The following NAV2 variants were observed in gnomAD, a reference collection of about 807,000 sequenced individuals.
The protein encoded by NAV2 is helicase, APC down-regulated 1.
Under a neutral mutation model 223.2 loss-of-function variants are expected in NAV2, and 54 were observed. The observed-to-expected ratio is 0.24, with a 90% confidence interval of 0.19 to 0.30. The LOEUF (loss-of-function observed/expected upper bound fraction) is 0.30, where lower values mean the gene tolerates loss of function less well. Among genes scored for constraint, NAV2 ranks in the 10% least tolerant of loss-of-function variants. The probability of loss-of-function intolerance (pLI) is 1.00; values close to 1 mark genes in which losing one functional copy is unlikely to be tolerated. For missense variants in NAV2, 2,806 were observed against 3,147.5 expected (o/e 0.89, Z 2.60); for synonymous variants, 1,279 against 1,239.3 (o/e 1.03, Z -0.67).
chr11:20,090,763 A>G lies in NAV2; in HGVS notation c.5499-102A>G, dbSNP rs547840518. 2.7e-5 allele frequency: 34 copies of G among 1,247,562 alleles called. No homozygotes were observed. The East Asian group carries it at 7.8e-4, about 29-fold the overall frequency. 77.3% of individuals were successfully genotyped at this position (1,247,562 alleles called of 1,614,324 possible). On this transcript the variant is annotated intron_variant, in intron 26 of 37. Transcript: ENST00000349880. Reference sequence around the variant, plus strand: ...CACAGGAAGCACCAGGCAGCTGGTTATTCACAGTTACTGCTAAACAAACCT... The same window carrying G: ...CACAGGAAGCACCAGGCAGCTGGTTGTTCACAGTTACTGCTAAACAAACCT...
chr11:19,690,893 G>A lies in NAV2; in HGVS notation c.76-141591G>A, dbSNP rs143996534. Reference sequence around the variant, plus strand: ...AAGGCAGAGCCAGAAGTAGAACCCAGATCCCCGATTTTCAGCACACACCAA... The same window carrying A: ...AAGGCAGAGCCAGAAGTAGAACCCAAATCCCCGATTTTCAGCACACACCAA... On this transcript the variant is annotated intron_variant, in intron 1 of 37. Transcript: ENST00000360655. Among the ~76,000 whole-genome samples the A allele has an allele frequency of 2.7e-3, 404 of 152,296 alleles. 4 individuals are homozygous for A. Among genetic ancestry groups the A allele is most frequent in the African/African-American group, 9.1e-3 (378 of 41,558 alleles).
chr11:20,027,062 C>T (rs1186641450), intron 11 of NAV2, among the ~76,000 whole-genome samples: 8 of 152,182 alleles, frequency 5.3e-5, no homozygotes, highest in Admixed American at 2.6e-4. Context: ...ACATAGACTA[C>T]AAAAGGTAGG....
At chr11:19,745,439 A>C (rs2152475671) in intron 1 of NAV2, among the ~76,000 whole-genome samples, 1 of 152,250 alleles carries the variant, frequency 6.6e-6, no homozygotes, top group Admixed American at 6.5e-5. Flanking sequence ...CCTAATGGGT[A>C]AGTTGGCCCT....
At chr11:19,639,550 G>T (rs1231951619) in intron 1 of NAV2, among the ~76,000 whole-genome samples, 1 of 152,188 alleles carries the variant, frequency 6.6e-6, no homozygotes, top group Non-Finnish European at 1.5e-5. Context: ...GTTGTGTGTG[G>T]GGAGGACACT....
chr11:19,607,049 G>T (rs1290063372), intron 1 of NAV2, among the ~76,000 whole-genome samples: 4 of 152,218 alleles, frequency 2.6e-5, no homozygotes, highest in Non-Finnish European at 5.9e-5. Context: ...GAAAAGAAGG[G>T]TCTGCTTACA....
intron 11 of NAV2, among the ~76,000 whole-genome samples, chr11:19,987,017 T>G (rs977331094): frequency 6.6e-6 from 1 of 152,230 alleles, no homozygotes; most frequent in Admixed American, 6.5e-5. Flanking sequence ...AATACTCCTT[T>G]TTAATAATTA....
intron 1 of NAV2, among the ~76,000 whole-genome samples, chr11:19,504,564 A>T (rs746918919): frequency 2.0e-5 from 3 of 152,192 alleles, no homozygotes; most frequent in Non-Finnish European, 4.4e-5. Context: ...GAGCAGCCCA[A>T]TGTGAAAGGT....
chr11:20,023,453 A>G (rs2054702186), intron 11 of NAV2, among the ~76,000 whole-genome samples: 1 of 152,130 alleles, frequency 6.6e-6, no homozygotes, highest in South Asian at 2.1e-4. Context: ...AAACCGTCTT[A>G]TCAAATTAGG....
At chr11:19,793,371 T>A (rs990688048) in intron 1 of NAV2, among the ~76,000 whole-genome samples, 1 of 152,248 alleles carries the variant, frequency 6.6e-6, no homozygotes, top group African/African-American at 2.4e-5. Flanking sequence ...GATATGTGTA[T>A]ACTTGTCTTA....
At chr11:20,038,503 G>T (rs1405243388) in intron 12 of NAV2, among the ~76,000 whole-genome samples, 2 of 152,178 alleles carry the variant, frequency 1.3e-5, no homozygotes, top group African/African-American at 4.8e-5. Flanking sequence ...TGTCCAGGGA[G>T]CATCTCAAAA....
chr11:19,398,506 G>A (rs530419077), intron 1 of NAV2, among the ~76,000 whole-genome samples: 7 of 152,076 alleles, frequency 4.6e-5, no homozygotes, highest in Admixed American at 2.0e-4. Flanking sequence ...GCTTTCCCAC[G>A]TACCATGCTT....
intron 24 of NAV2, among the ~76,000 whole-genome samples, chr11:20,079,825 C>T (rs1192934847): frequency 6.6e-6 from 1 of 152,176 alleles, no homozygotes; most frequent in Admixed American, 6.5e-5. Context: ...CTCCCTACAC[C>T]TCCCTTGACT....
At chr11:19,991,577 TAAAA>T (rs374678553) in intron 11 of NAV2, among the ~76,000 whole-genome samples, 1 of 152,148 alleles carries the variant, frequency 6.6e-6, no homozygotes, top group Non-Finnish European at 1.5e-5. Context: ...CTGCATTTAA[TAAAA>T]AGAACAATTA....
intron 6 of NAV2, among the ~76,000 whole-genome samples, chr11:19,901,028 A>G (rs2042402382): frequency 6.6e-6 from 1 of 152,224 alleles, no homozygotes; most frequent in Non-Finnish European, 1.5e-5. Flanking sequence ...GCATAATCCA[A>G]TTAAAACTCT....
At chr11:19,702,726 T>A (rs2049542384) in intron 1 of NAV2, among the ~76,000 whole-genome samples, 1 of 151,610 alleles carries the variant, frequency 6.6e-6, no homozygotes, top group Non-Finnish European at 1.5e-5. Context: ...TGCAGTGAGC[T>A]GAGATGGTGC....
At chr11:19,819,937 C>T (rs920888430) in intron 1 of NAV2, among the ~76,000 whole-genome samples, 6 of 152,196 alleles carry the variant, frequency 3.9e-5, no homozygotes, top group East Asian at 1.9e-4. Flanking sequence ...ACCTGTCAGA[C>T]GTCAATCAAG....
At chr11:19,999,692 T>C (rs1041357886) in intron 11 of NAV2, among the ~76,000 whole-genome samples, 1 of 152,126 alleles carries the variant, frequency 6.6e-6, no homozygotes, top group Non-Finnish European at 1.5e-5. Context: ...TTTTAACCTA[T>C]GTGACACTCT....
In NAV2 at chr11:20,003,674, C is replaced by T. The variant is rs1427253557; in HGVS notation, c.2768+19427C>T. On this transcript the variant is annotated intron_variant, in intron 11 of 37. Coordinates refer to ENST00000349880, the MANE Select transcript of NAV2 (RefSeq NM_145117.5). ...CCTCTCCAGGAAGGAAGCAACTGGA[C>T]CCTATTGGTGGGAAAGGTGAGAGAT... Among the ~76,000 whole-genome samples the T allele has an allele frequency of 4.6e-5, 7 of 152,212 alleles. No individual in the cohort carries two copies. In the South Asian group the frequency reaches 1.2e-3, roughly 27 times the overall value.
chr11:20,064,301 C>A (rs768209061), intron 20 of NAV2, among the ~76,000 whole-genome samples: 1 of 152,130 alleles, frequency 6.6e-6, no homozygotes, highest in Non-Finnish European at 1.5e-5. Flanking sequence ...CTGGACTAAC[C>A]CCTAGGATAT....
Sources: gnomAD v4.1 joint callset for allele counts (sites outside exome capture counted in the v4.1 genomes callset) on GRCh38, gnomAD v4.1.1 for gene constraint, MANE v1.5 for transcripts, NCBI Gene and HGNC (gene_info 2026-07-23, HGNC 2026-07-21) for gene names.